Variants in KIFC3 observed in about 807,000 individuals in gnomAD.
The protein encoded by KIFC3 is kinesin-like protein KIFC3.
KIFC3 carries 60 observed loss-of-function variants against 101.8 expected under a neutral mutation model. The ratio of observed to expected loss-of-function variants is 0.59; its 90% CI spans 0.48 to 0.73. KIFC3 has a LOEUF of 0.73. KIFC3 is among the 30% of genes least tolerant of loss of function. The probability of loss-of-function intolerance (pLI) is 0.00; values close to 1 mark genes in which losing one functional copy is unlikely to be tolerated. For synonymous variants in KIFC3, 476 were observed against 482.7 expected, an observed-to-expected ratio of 0.99 and a Z score of 0.18; for missense variants, 966 against 1,137.1, an observed-to-expected ratio of 0.85 and a Z score of 2.16.
chr16:57,777,631 G>C (rs1398592435), intron 3 of KIFC3, among the ~76,000 whole-genome samples: 1 of 151,956 alleles, frequency 6.6e-6, no homozygotes, highest in African/African-American at 2.4e-5. Flanking sequence ...TGAGGCAGGA[G>C]AATCGCTTGA....
intron 3 of KIFC3, among the ~76,000 whole-genome samples, chr16:57,780,524 T>C (rs2052590407): frequency 6.8e-6 from 1 of 147,252 alleles, no homozygotes; most frequent in Non-Finnish European, 1.5e-5. Flanking sequence ...AAAAAAAATA[T>C]ATATATATGC....
intron 3 of KIFC3, among the ~76,000 whole-genome samples, chr16:57,789,410 A>G (rs2053653909): frequency 6.6e-6 from 1 of 152,270 alleles, no homozygotes; most frequent in Non-Finnish European, 1.5e-5. Flanking sequence ...CCTGCCGCTC[A>G]CACAGAAAGA....
intron 3 of KIFC3, among the ~76,000 whole-genome samples, chr16:57,790,065 T>C: frequency 1.5e-5 from 1 of 65,108 alleles, no homozygotes; most frequent in Admixed American, 1.3e-4. Flanking sequence ...TTTCTTTCTT[T>C]CTTTCTTTCT....
At chr16:57,855,722 G>C (rs1273939412) in intron 1 of KIFC3, among the ~76,000 whole-genome samples, 1 of 151,954 alleles carries the variant, frequency 6.6e-6, no homozygotes, top group African/African-American at 2.4e-5. Context: ...AAGGCAGGTG[G>C]ATCACTTGAG....
At chr16:57,813,615 T>C in intron 1 of KIFC3, 1 of 908,662 alleles carries the variant, frequency 1.1e-6, no homozygotes, top group Non-Finnish European at 1.3e-6. Flanking sequence ...CCTGCATGCC[T>C]GCCGAGTGCC....
At chr16:57,860,047 TAAAATAAAATAAA>T (rs559227466) in intron 1 of KIFC3, among the ~76,000 whole-genome samples, 7,648 of 136,422 alleles carry the variant, frequency 0.056, 311 homozygotes, top group Non-Finnish European at 0.069. Flanking sequence ...TAAAATAAAA[TAAAATAAAATAAA>T]ATAAAATAAA....
chr16:57,847,574 T>C (rs1596870124), intron 1 of KIFC3, among the ~76,000 whole-genome samples: 1 of 152,282 alleles, frequency 6.6e-6, no homozygotes, highest in Admixed American at 6.5e-5. Context: ...AAATTGATTC[T>C]GTCAATTTGT....
At chr16:57,809,523 A>G (rs2055016735) in intron 1 of KIFC3, among the ~76,000 whole-genome samples, 1 of 152,290 alleles carries the variant, frequency 6.6e-6, no homozygotes, top group Non-Finnish European at 1.5e-5. Flanking sequence ...TGAGCTGGCC[A>G]TTCCGTAGGG....
upstream of KIFC3, among the ~76,000 whole-genome samples, chr16:57,803,955 C>T (rs1598177327): frequency 6.6e-6 from 1 of 152,262 alleles, no homozygotes; most frequent in East Asian, 1.9e-4. Context: ...TAGTATCTAT[C>T]TCCCTTGATT....
intron 1 of KIFC3, among the ~76,000 whole-genome samples, chr16:57,800,608 C>A (rs1168575159): frequency 6.6e-6 from 1 of 152,124 alleles, no homozygotes; most frequent in Non-Finnish European, 1.5e-5. Flanking sequence ...CAGCTCAGCT[C>A]AGTCTGAGGG....
chr16:57,805,216 G>A (rs563113799), upstream of KIFC3, among the ~76,000 whole-genome samples: 15 of 152,226 alleles, frequency 9.9e-5, no homozygotes, highest in Admixed American at 5.2e-4. Context: ...AGCCTCAAGC[G>A]ATCATCCTGC....
chr16:57,804,793 C>T (rs1176265925), upstream of KIFC3, among the ~76,000 whole-genome samples: 1 of 151,218 alleles, frequency 6.6e-6, no homozygotes, highest in African/African-American at 2.4e-5. Context: ...GGGTGTCTCA[C>T]TATGTTGCCC....
At chr16:57,859,467 G>A (rs1322890251) in intron 1 of KIFC3, among the ~76,000 whole-genome samples, 3 of 152,150 alleles carry the variant, frequency 2.0e-5, no homozygotes, top group African/African-American at 7.2e-5. Context: ...TAGTTAAAGC[G>A]TCAAAAGAGT....
At chr16:57,827,594 C>T (rs930968586) in intron 1 of KIFC3, among the ~76,000 whole-genome samples, 2 of 152,200 alleles carry the variant, frequency 1.3e-5, no homozygotes, top group Non-Finnish European at 2.9e-5. Context: ...CGACCATTTT[C>T]AGGACCACAA....
chr16:57,764,272 T>TGGGGGGGGG, intron 11 of KIFC3, 25 bp from the exon 12 acceptor site: 1 of 495,554 alleles, frequency 2.0e-6, no homozygotes, highest in Non-Finnish European at 4.0e-6. Flanking sequence ...GGAGGGAGGC[T>TGGGGGGGGG]GGTGGGGGGG....
chr16:57,758,789 A>T lies in KIFC3; in HGVS notation c.*145T>A. The stretch of plus-strand genomic sequence containing the variant: ...TTGAGGGGAGACGGGGCAGAAGAAG[A>T]GCCTCCACTCTCGCCTCTACCTCCG... On this transcript the variant is annotated 3_prime_UTR_variant, in exon 20 of 20. Coordinates refer to ENST00000445690, the MANE Select transcript of KIFC3 (RefSeq NM_001130100.2). The T allele has an allele frequency of 7.9e-7, 1 of 1,264,714 alleles. No homozygotes were observed. The highest frequency in any genetic ancestry group is 1.2e-6 in the Non-Finnish European group (1 of 869,042). The allele number at this position is 1,264,714 out of a possible 1,614,324, so 78.3% of individuals were successfully genotyped here.
intron 1 of KIFC3, among the ~76,000 whole-genome samples, chr16:57,824,732 T>C (rs1018294820): frequency 5.9e-5 from 9 of 152,060 alleles, no homozygotes; most frequent in Non-Finnish European, 1.0e-4. Flanking sequence ...CATGTAGCCC[T>C]TTGCCTGAAA....
At chr16:57,803,133 A>C, upstream of KIFC3, 2 of 1,114,210 alleles carry the variant, frequency 1.8e-6, no homozygotes, top group Non-Finnish European at 2.6e-6. Flanking sequence ...CCAGCAAATG[A>C]ATATCTTCCC....
chr16:57,772,247 T>G lies in KIFC3; in HGVS notation c.357A>C (p.Glu119Asp). The G allele has an allele frequency of 6.2e-7, 1 of 1,613,780 alleles. No individual in the cohort carries two copies. The highest frequency in any genetic ancestry group is 8.5e-7 in the Non-Finnish European group (1 of 1,179,854). Residue 119 changes from glutamate (E) to aspartate (D), a missense_variant, in exon 4 of 20, where the codon GAA (glutamate) becomes GAC (aspartate). By Grantham distance (45) the Glu-to-Asp change is conservative. Transcript: ENST00000445690. Reference sequence around the variant, plus strand: ...CCAGCTCAGATCGCAGTCGGCTCACTTCCTGGGCCTGGCTAATGAGCTTCT... The same window carrying G: ...CCAGCTCAGATCGCAGTCGGCTCACGTCCTGGGCCTGGCTAATGAGCTTCT... ...LKEKLISQAQ[E>D]VSRLRSELGG...
Sources: allele counts gnomAD v4.1 joint callset (sites outside exome capture counted in the v4.1 genomes callset), GRCh38; gene constraint gnomAD v4.1.1; transcripts MANE v1.5; gene names NCBI Gene and HGNC (gene_info 2026-07-23, HGNC 2026-07-21).